NELL2: variants seen among roughly 807,000 people sequenced by gnomAD.
NELL2 encodes the protein protein kinase C-binding protein NELL2.
In NELL2, 41 loss-of-function variants were observed where a neutral mutation model predicts 109.6. That is an observed-to-expected ratio of 0.37 (90% CI 0.29 to 0.49). The LOEUF is 0.49. NELL2 is among the 20% of genes least tolerant of loss of function. The pLI is 0.98. For synonymous variants in NELL2, 355 were observed against 344.7 expected, an observed-to-expected ratio of 1.03 and a Z score of -0.33; for missense variants, 900 against 1,008.3, an observed-to-expected ratio of 0.89 and a Z score of 1.45.
intron 12 of NELL2, among the ~76,000 whole-genome samples, chr12:44,687,101 C>T (rs1196323930): frequency 6.6e-6 from 1 of 152,226 alleles, no homozygotes; most frequent in Non-Finnish European, 1.5e-5. Flanking sequence ...GGGATATAAT[C>T]TCCTGGTGCA....
chr12:44,768,966 T>C (rs1001307576), intron 9 of NELL2, among the ~76,000 whole-genome samples: 2 of 151,606 alleles, frequency 1.3e-5, no homozygotes, highest in Admixed American at 1.3e-4. Flanking sequence ...TTTTTCACCA[T>C]AGCCTACATA....
intron 12 of NELL2, among the ~76,000 whole-genome samples, chr12:44,701,109 A>C (rs1262955296): frequency 6.6e-6 from 1 of 152,140 alleles, no homozygotes; most frequent in East Asian, 1.9e-4. Context: ...AAAATGTTTA[A>C]AAAGGTGTTC....
At chr12:44,699,599 C>T (rs1273846541) in intron 12 of NELL2, among the ~76,000 whole-genome samples, 2 of 152,104 alleles carry the variant, frequency 1.3e-5, no homozygotes, top group Non-Finnish European at 2.9e-5. Context: ...AACTCTCTCT[C>T]CTTTCTCCAG....
intron 9 of NELL2, among the ~76,000 whole-genome samples, chr12:44,738,143 T>C (rs1419715459): frequency 6.6e-6 from 1 of 152,192 alleles, no homozygotes; most frequent in African/African-American, 2.4e-5. Flanking sequence ...TCAGCCATTA[T>C]ATTGTAGTCT....
chr12:44,686,849 A>T (rs146127358), intron 12 of NELL2, among the ~76,000 whole-genome samples: 249 of 152,256 alleles, frequency 1.6e-3, no homozygotes, highest in Non-Finnish European at 3.1e-3. Flanking sequence ...AAGTCTGCAG[A>T]GGTTACTGCT....
At chr12:44,717,063 G>A (rs900515166) in intron 9 of NELL2, among the ~76,000 whole-genome samples, 1 of 151,972 alleles carries the variant, frequency 6.6e-6, no homozygotes, top group African/African-American at 2.4e-5. Flanking sequence ...GATGAAGTTG[G>A]CTTAGAGAGA....
chr12:44,860,586 C>T (rs1486767969), intron 2 of NELL2, among the ~76,000 whole-genome samples: 1 of 152,124 alleles, frequency 6.6e-6, no homozygotes, highest in African/African-American at 2.4e-5. Context: ...ACTTCAAAGC[C>T]AGAGATGGCC....
chr12:44,811,101 T>A (rs758765758), intron 3 of NELL2, among the ~76,000 whole-genome samples: 2 of 151,974 alleles, frequency 1.3e-5, no homozygotes, highest in Non-Finnish European at 2.9e-5. Flanking sequence ...CCGCATGTTC[T>A]CACTCATGAG....
At chr12:44,595,489 C>T (rs1840083) in intron 15 of NELL2, among the ~76,000 whole-genome samples, 40,022 of 151,934 alleles carry the variant, frequency 0.26, 5,499 homozygotes, top group Middle Eastern at 0.41. Context: ...TGCAGTGGTG[C>T]GAACTCGGCT....
At chr12:44,660,852 T>C (rs1947717006) in intron 13 of NELL2, among the ~76,000 whole-genome samples, 1 of 152,282 alleles carries the variant, frequency 6.6e-6, no homozygotes, top group African/African-American at 2.4e-5. Context: ...TATAGGTAGT[T>C]AGACAGGCAT....
chr12:44,618,428 A>T lies in NELL2; in HGVS notation c.1445-7458T>A, dbSNP rs574645240. 2.0e-5 allele frequency among the ~76,000 whole-genome samples: 3 copies of T among 152,284 alleles called. No individual in the cohort carries two copies. The South Asian group carries it at 6.2e-4, about 32-fold the overall frequency. On this transcript the variant is annotated intron_variant, in intron 13 of 19. Coordinates refer to ENST00000429094, the MANE Select transcript of NELL2 (RefSeq NM_001145108.2). ...CCTTATTTGACCAAGAATCTTAACA[A>T]CCAAAGCACATTCAAATTTCCTCCT... is the stretch of plus-strand genomic sequence containing the variant.
intron 3 of NELL2, among the ~76,000 whole-genome samples, chr12:44,792,736 TC>T (rs1489173701): frequency 6.6e-6 from 1 of 152,148 alleles, no homozygotes; most frequent in Non-Finnish European, 1.5e-5. Flanking sequence ...GCAGTGTCAA[TC>T]ATAATGTGGG....
chr12:44,607,003 C>A (rs12818520), intron 15 of NELL2, among the ~76,000 whole-genome samples, 166 bp downstream of exon 15: 15,665 of 152,116 alleles, frequency 0.1, 950 homozygotes, highest in East Asian at 0.2. Flanking sequence ...AATCGCCCAG[C>A]GAAATGCATC....
At chr12:44,723,113 C>T (rs575459120) in intron 9 of NELL2, among the ~76,000 whole-genome samples, 4 of 151,476 alleles carry the variant, frequency 2.6e-5, no homozygotes, top group South Asian at 2.1e-4. Flanking sequence ...GACATGAACC[C>T]GGGAGGCGGA....
intron 9 of NELL2, among the ~76,000 whole-genome samples, chr12:44,771,227 G>A (rs995077840): frequency 1.3e-5 from 2 of 152,152 alleles, no homozygotes; most frequent in Non-Finnish European, 2.9e-5. Flanking sequence ...AAGAGGATGA[G>A]TGGTGAAGGC....
chr12:44,826,711 G>A (rs4257041), intron 2 of NELL2, among the ~76,000 whole-genome samples: 29 of 152,298 alleles, frequency 1.9e-4, no homozygotes, highest in Admixed American at 5.2e-4. Context: ...AAAATCACAG[G>A]TCGTTTCTAT....
chr12:44,563,313 T>TA (rs907918065), intron 15 of NELL2, among the ~76,000 whole-genome samples: 67 of 148,994 alleles, frequency 4.5e-4, no homozygotes, highest in African/African-American at 1.1e-3. Flanking sequence ...TAAAGTATAA[T>TA]AAAAAAAAAT....
In NELL2 at chr12:44,514,962, G is replaced by A. The variant is rs28790945; in HGVS notation, c.2400+5043C>T. ...AAGTTAATGATATATATTATAATCC[G>A]TAGGACAACAAATACAATAATAATA... is the stretch of plus-strand genomic sequence containing the variant. On this transcript the variant is annotated intron_variant, in intron 19 of 19. Transcript: ENST00000429094. 8.0e-5 allele frequency among the ~76,000 whole-genome samples: 12 copies of A among 150,588 alleles called. No individual in the cohort carries two copies. The South Asian group carries it at 1.3e-3, about 16-fold the overall frequency.
At chr12:44,620,071 G>A (rs559526586) in intron 13 of NELL2, among the ~76,000 whole-genome samples, 1 of 151,600 alleles carries the variant, frequency 6.6e-6, no homozygotes, top group Non-Finnish European at 1.5e-5. Context: ...ATAGATATAA[G>A]AGAGCCTCTT....
Sources: allele counts gnomAD v4.1 joint callset (sites outside exome capture counted in the v4.1 genomes callset), GRCh38; gene constraint gnomAD v4.1.1; transcripts MANE v1.5; gene names NCBI Gene and HGNC (gene_info 2026-07-23, HGNC 2026-07-21).